LRP1: variants seen among roughly 807,000 people sequenced by gnomAD.
The protein encoded by LRP1 is LDL receptor related protein 1.
In LRP1, 51 loss-of-function variants were observed where a neutral mutation model predicts 541.5. The observed-to-expected ratio is 0.09, with a 90% CI of 0.08 to 0.12. The LOEUF is 0.12. Among genes scored for constraint, LRP1 ranks in the 10% least tolerant of loss-of-function variants. The pLI is 1.00. For missense variants in LRP1, 3,878 were observed against 6,376.2 expected (o/e 0.61, Z 13.34); for synonymous variants, 2,219 against 2,470.8 (o/e 0.90, Z 3.02).
Position 57,204,871 on chromosome 12 carries a change from G to A in LRP1, c.11194+122G>A. ...CAGGAGGACTCGCCCAGGAAGGGGA[G>A]GATCCATTGCTAGGAGCCTGGGGGC... On this transcript the variant is annotated intron_variant, in intron 72 of 88. Transcript: ENST00000243077. The surrounding 1 kb of genome is among the most constrained non-coding windows in gnomAD (Gnocchi z 5.3). The A allele has an allele frequency of 6.8e-7, 1 of 1,475,394 alleles. No individual in the cohort carries two copies. The highest frequency in any genetic ancestry group is 1.4e-5 in the African/African-American group (1 of 72,066). The allele number at this position is 1,475,394 out of a possible 1,614,324, so 91.4% of individuals were successfully genotyped here.
At chr12:57,136,327 G>C (rs1272038855) in intron 1 of LRP1, among the ~76,000 whole-genome samples, 2 of 150,492 alleles carry the variant, frequency 1.3e-5, no homozygotes, top group Non-Finnish European at 2.9e-5. Context: ...CGTCTCCCCT[G>C]CCAGCGGTGG....
intron 1 of LRP1, among the ~76,000 whole-genome samples, chr12:57,129,626 C>T (rs886735302): frequency 2.0e-5 from 3 of 152,216 alleles, no homozygotes; most frequent in African/African-American, 7.2e-5. Context: ...TAGGCTCTTC[C>T]CCCTCTCAGG....
chr12:57,200,938 G>A, intron 64 of LRP1, 96 bp from the exon 65 acceptor site: 2 of 1,592,206 alleles, frequency 1.3e-6, no homozygotes, highest in Non-Finnish European at 1.7e-6. Context: ...GGATTCCTAT[G>A]GCTCAAGCCT....
In LRP1 at chr12:57,173,020, A is replaced by G. The variant is rs1000784762; in HGVS notation, c.3164-148A>G. 6.5e-6 allele frequency: 4 copies of G among 612,050 alleles called. No individual in the cohort carries two copies. The East Asian group carries it at 8.5e-5, about 13-fold the overall frequency. The allele number at this position is 612,050 out of a possible 1,614,324, so 37.9% of individuals were successfully genotyped here. ...CTCTACTACTGAGTTGGTGCTTCCA[A>G]GGAGTGTCAGCAAAGCTTGGCAGAC... On this transcript the variant is annotated intron_variant, in intron 20 of 88. Transcript: ENST00000243077. The surrounding 1 kb of genome is among the most constrained non-coding windows in gnomAD (Gnocchi z 4.7).
At position 57,177,409 on chromosome 12, in the gene LRP1, C is replaced by T. The variant is rs775892255; in HGVS notation, c.4197-18C>T. 1 of 1,577,988 alleles carries T rather than the reference C, an allele frequency of 6.3e-7. No individual in the cohort carries two copies. Among genetic ancestry groups the T allele is most frequent in the South Asian group, 1.2e-5 (1 of 83,898 alleles). ...AGGGCCCTGACTTTAGCCCTCCTGA[C>T]CCCTCCCCACTCCCCAGGATCCTGT... On this transcript the variant is annotated intron_variant, in intron 25 of 88. Transcript: ENST00000243077. This position sits in a 1 kb window ranked among gnomAD's most constrained non-coding sequence, Gnocchi z 6.8.
At position 57,185,052 on chromosome 12, in the gene LRP1, G is replaced by A. The variant is rs756295415; in HGVS notation, c.6339-29G>A. The A allele has an allele frequency of 5.6e-6, 9 of 1,614,092 alleles. No individual in the cohort carries two copies. The East Asian group carries it at 2.0e-4, about 36-fold the overall frequency. On this transcript the variant is annotated intron_variant, in intron 39 of 88. Transcript: ENST00000243077. The surrounding 1 kb of genome is among the most constrained non-coding windows in gnomAD (Gnocchi z 4.9). ...TTCCTTCCCTCCTGCCTCCACTGAT[G>A]CCCTGCTTGTGCCCTGTCCTTCCCT...
chr12:57,155,038 G>T (rs2136675042), intron 8 of LRP1: 1 of 554,080 alleles, frequency 1.8e-6, no homozygotes, highest in African/African-American at 1.9e-5. Flanking sequence ...TAGGTGATTT[G>T]CCTGTGTTTA....
rs754529465 is a variant in LRP1, at chr12:57,197,658, T to C, written c.9276T>C (p.Asn3092=). The change falls in exon 58 of 89, where the codon AAT becomes AAC. Residue 3092 remains asparagine (N), a synonymous_variant. Coordinates refer to ENST00000243077, the MANE Select transcript of LRP1 (RefSeq NM_002332.3). The surrounding 1 kb of genome is among the most constrained non-coding windows in gnomAD (Gnocchi z 4.5). ...GAAGGATGCACCTTAACGGGAGCAA[T>C]GTGCAGGTGAGGCGGGCGGCCCTCG... ...MIRRMHLNGS[N]VQVLHRTGLS... The C allele has an allele frequency of 3.8e-5, 61 of 1,613,482 alleles. No individual in the cohort carries two copies. The highest frequency in any genetic ancestry group is 5.0e-5 in the Non-Finnish European group (59 of 1,179,850).
At position 57,156,261 on chromosome 12, in the gene LRP1, C is replaced by T; in HGVS notation, c.1395C>T (p.Tyr465=). 6.2e-7 allele frequency: 1 copy of T among 1,614,158 alleles called. No individual in the cohort carries two copies. The highest frequency in any genetic ancestry group is 8.5e-7 in the Non-Finnish European group (1 of 1,180,030). ...RVDKGGALHI[Y]HQRRQPRVRS... is the part of the protein sequence containing the mutation. ...ACAAGGGTGGTGCCCTCCACATCTA[C>T]CACCAGAGGCGTCAGCCCCGAGGTG... The change falls in exon 9 of 89, where the codon TAC becomes TAT. Residue 465 remains tyrosine, a synonymous_variant. Transcript: ENST00000243077. The surrounding 1 kb of genome is among the most constrained non-coding windows in gnomAD (Gnocchi z 5.2).
chr12:57,196,867 T>C (rs1565748127), intron 55 of LRP1, 115 bp from the exon 56 acceptor site: 2 of 887,412 alleles, frequency 2.3e-6, no homozygotes, highest in Non-Finnish European at 3.5e-6. Context: ...AGTACCCATA[T>C]GCTGCTGCCC....
chr12:57,156,405 C>G lies in LRP1; in HGVS notation c.1417+122C>G. Reference sequence around the variant, plus strand: ...ACCCTGGCTTCTTTCATGTCATGACCGATTCTCCTAGCCAGCCACTCGGGC... The same window carrying G: ...ACCCTGGCTTCTTTCATGTCATGACGGATTCTCCTAGCCAGCCACTCGGGC... On this transcript the variant is annotated intron_variant, in intron 9 of 88. Transcript: ENST00000243077. The surrounding 1 kb of genome is among the most constrained non-coding windows in gnomAD (Gnocchi z 5.2). 1 of 1,048,786 alleles carries G rather than the reference C, an allele frequency of 9.5e-7. No individual in the cohort carries two copies. The highest frequency in any genetic ancestry group is 1.6e-5 in the African/African-American group (1 of 62,406). The allele number at this position is 1,048,786 out of a possible 1,614,324, so 65.0% of individuals were successfully genotyped here. A position where few individuals can be genotyped will look rare whatever the true frequency, so the allele number is the denominator to read the frequency against.
intron 78 of LRP1, 88 bp downstream of exon 78, chr12:57,208,905 G>T: frequency 8.2e-7 from 1 of 1,225,240 alleles, no homozygotes; most frequent in Non-Finnish European, 1.2e-6. Flanking sequence ...CAAAAGCAAG[G>T]GATGGGATGG....
intron 10 of LRP1, among the ~76,000 whole-genome samples, chr12:57,157,821 G>A (rs2035651556): frequency 6.6e-6 from 1 of 152,224 alleles, no homozygotes; most frequent in African/African-American, 2.4e-5. Flanking sequence ...CAGAGGAACA[G>A]CACGAAGGCC....
Position 57,206,849 on chromosome 12 carries a change from A to G in LRP1, c.11859+108A>G. 8 of 1,304,160 alleles carry G rather than the reference A, an allele frequency of 6.1e-6. No homozygotes were observed. In the South Asian group the frequency reaches 9.6e-5, roughly 16 times the overall value. The allele number at this position is 1,304,160 out of a possible 1,614,324, so 80.8% of individuals were successfully genotyped here. On this transcript the variant is annotated intron_variant, in intron 76 of 88. Coordinates refer to ENST00000243077, the MANE Select transcript of LRP1 (RefSeq NM_002332.3). The surrounding 1 kb of genome is among the most constrained non-coding windows in gnomAD (Gnocchi z 4.7). Reference sequence around the variant, plus strand: ...TGGCTAGGCGCAGTGGCTCACGCCTATAATCCCAGCACTTTGGGAGGCCAA... The same window carrying G: ...TGGCTAGGCGCAGTGGCTCACGCCTGTAATCCCAGCACTTTGGGAGGCCAA...
rs186335836 is a variant in LRP1, at chr12:57,166,743, C to T, written c.2798-187C>T. ...GGGTAGATCTCCTCCTGGGAGGATA[C>T]CAGAGACCCCTTGAGAGAAAGAGTA... On this transcript the variant is annotated intron_variant, in intron 17 of 88. Transcript: ENST00000243077. Among the ~76,000 whole-genome samples the T allele has an allele frequency of 3.3e-5, 5 of 152,104 alleles. No individual in the cohort carries two copies. In the East Asian group the frequency reaches 5.8e-4, roughly 18 times the overall value.
At chr12:57,195,511 G>C in intron 52 of LRP1, 112 bp downstream of exon 52, 3 of 1,570,598 alleles carry the variant, frequency 1.9e-6, no homozygotes, top group Non-Finnish European at 2.6e-6. Flanking sequence ...GTCCACTGGG[G>C]GCGGAGCCAT....
At position 57,159,839 on chromosome 12, in the gene LRP1, G is replaced by C; in HGVS notation, c.1813G>C (p.Glu605Gln). Residue 605 changes from glutamate (E) to glutamine (Q), a missense_variant, in exon 12 of 89, where the codon GAG becomes CAG. This residue lies in a region of LRP1 where 496 missense variants were observed against 861.0 expected (regional missense o/e 0.58). Transcript: ENST00000243077. Reference protein sequence around the residue: ...TILKDGIHNVEGVAVDWMGDN... With the variant: ...TILKDGIHNVQGVAVDWMGDN... Reference sequence around the variant, plus strand: ...TCCCCCAACAGGCATCCACAATGTGGAGGGTGTGGCCGTGGACTGGATGGG... The same window carrying C: ...TCCCCCAACAGGCATCCACAATGTGCAGGGTGTGGCCGTGGACTGGATGGG... 6.2e-7 allele frequency: 1 copy of C among 1,614,184 alleles called. No individual in the cohort carries two copies. Among genetic ancestry groups the C allele is most frequent in the Non-Finnish European group, 8.5e-7 (1 of 1,180,002 alleles).
intron 1 of LRP1, among the ~76,000 whole-genome samples, chr12:57,137,944 G>A (rs2035208204): frequency 6.6e-6 from 1 of 152,144 alleles, no homozygotes; most frequent in African/African-American, 2.4e-5. Context: ...GCTCCCATCT[G>A]GGGGCCTAGT....
Position 57,202,542 on chromosome 12 carries a change from G to GGGGGGGCCCCCCCC in LRP1, c.10711+5_10711+6insGGGGGGCCCCCCCC. On this transcript the variant is annotated splice_donor_region_variant and intron_variant, in intron 68 of 88. Coordinates refer to ENST00000243077, the MANE Select transcript of LRP1 (RefSeq NM_002332.3). ...ACTCCGATGAAGAGAGCTGCAGTAC[G>GGGGGGGCCCCCCCC]TCCCCACCCACCCAGCCCCGCATGA... is the stretch of plus-strand genomic sequence containing the variant. 6.4e-7 allele frequency: 1 copy of GGGGGGGCCCCCCCC among 1,563,830 alleles called. No individual in the cohort carries two copies. The highest frequency in any genetic ancestry group is 8.7e-7 in the Non-Finnish European group (1 of 1,153,418).
Sources: gnomAD v4.1 joint callset for allele counts (sites outside exome capture counted in the v4.1 genomes callset) on GRCh38, gnomAD v4.1.1 for gene constraint, gnomAD v4.1.1 regional missense constraint, Gnocchi (gnomAD v3.1) non-coding constraint, MANE v1.5 for transcripts, NCBI Gene and HGNC (gene_info 2026-07-23, HGNC 2026-07-21) for gene names.